Variants in CNST observed in about 807,000 individuals in gnomAD.
The protein encoded by CNST is consortin.
CNST carries 39 observed loss-of-function variants against 72.4 expected under a neutral mutation model. The ratio of observed to expected loss-of-function variants is 0.54; its 90% CI spans 0.42 to 0.70. CNST has a LOEUF of 0.70. Among genes scored for constraint, CNST ranks in the 30% least tolerant of loss-of-function variants. The pLI is 0.00. For missense variants in CNST, 871 were observed against 868.5 expected (o/e 1.00, Z -0.04); for synonymous variants, 332 against 320.1 (o/e 1.04, Z -0.40).
intron 2 of CNST, 60 bp from the exon 3 acceptor site, chr1:246,621,369 A>T: frequency 1.6e-6 from 2 of 1,288,734 alleles, no homozygotes; most frequent in Middle Eastern, 1.9e-4. Flanking sequence ...TAATTGTTTT[A>T]ATGTGTTACA....
intron 2 of CNST, among the ~76,000 whole-genome samples, chr1:246,612,454 C>A (rs1457420278): frequency 6.6e-6 from 1 of 152,212 alleles, no homozygotes; most frequent in Non-Finnish European, 1.5e-5. Context: ...CCACCTGCCT[C>A]AGCCTCCCAA....
intron 2 of CNST, chr1:246,606,439 G>C (rs1045487922): frequency 1.3e-5 from 2 of 152,006 alleles, no homozygotes; most frequent in African/African-American, 4.8e-5. Context: ...ACAGCAATTG[G>C]ACATGTTAAA....
chr1:246,574,393 G>T (rs1185762049), intron 1 of CNST, among the ~76,000 whole-genome samples: 1 of 152,080 alleles, frequency 6.6e-6, no homozygotes, highest in African/African-American at 2.4e-5. Flanking sequence ...GGAAAACATG[G>T]TTATTCAAAA....
chr1:246,574,699 G>A (rs138361808), intron 1 of CNST, among the ~76,000 whole-genome samples: 78 of 151,992 alleles, frequency 5.1e-4, no homozygotes, highest in African/African-American at 1.7e-3. Flanking sequence ...AGCACAATAC[G>A]TGTATTTTTC....
At chr1:246,615,886 A>G (rs1663657361) in intron 2 of CNST, among the ~76,000 whole-genome samples, 1 of 152,084 alleles carries the variant, frequency 6.6e-6, no homozygotes, top group South Asian at 2.1e-4. Flanking sequence ...TCTCAAAAAA[A>G]AAAAGAAACC....
At position 246,566,594 on chromosome 1, in the gene CNST, A is replaced by G. The variant is rs1045399360; in HGVS notation, c.-121A>G. ...GCTCCGTGACAGCACGTCGGCCGCCATGTCGCCGAGTGGGGCTGGAAACAG... is the reference window on the plus strand; with the variant it reads ...GCTCCGTGACAGCACGTCGGCCGCCGTGTCGCCGAGTGGGGCTGGAAACAG... On this transcript the variant is annotated 5_prime_UTR_variant, in exon 1 of 11. It removes an upstream start codon present in the reference 5' UTR. Coordinates refer to ENST00000366513, the MANE Select transcript of CNST (RefSeq NM_152609.3). 5.0e-6 allele frequency: 2 copies of G among 403,932 alleles called. No individual in the cohort carries two copies. Among genetic ancestry groups the G allele is most frequent in the East Asian group, 3.5e-5 (1 of 28,296 alleles). 25.0% of individuals were successfully genotyped at this position (403,932 alleles called of 1,614,324 possible).
Position 246,591,959 on chromosome 1 carries a change from A to G in CNST, c.379+18A>G, listed in dbSNP as rs1228888811. 1.3e-6 allele frequency: 2 copies of G among 1,570,258 alleles called. No homozygotes were observed. Among genetic ancestry groups the G allele is most frequent in the Non-Finnish European group, 1.7e-6 (2 of 1,154,946 alleles). ...ACCACCAGGTATTGTTTAAAATAGT[A>G]TTTATCCTCTTCTTTAATTAATTAA... On this transcript the variant is annotated intron_variant, in intron 2 of 10. Transcript: ENST00000366513.
chr1:246,581,288 G>C (rs917599351), intron 1 of CNST, among the ~76,000 whole-genome samples: 5 of 151,396 alleles, frequency 3.3e-5, no homozygotes, highest in African/African-American at 9.7e-5. Flanking sequence ...TTTTTGAGAC[G>C]GAGTTTTGCT....
At chr1:246,609,430 A>G (rs1405896764) in intron 2 of CNST, among the ~76,000 whole-genome samples, 2 of 152,184 alleles carry the variant, frequency 1.3e-5, no homozygotes, top group Non-Finnish European at 2.9e-5. Flanking sequence ...ACAAAAAATT[A>G]TATGGGCATG....
intron 4 of CNST, among the ~76,000 whole-genome samples, chr1:246,632,735 A>AT (rs1306903562): frequency 6.6e-6 from 1 of 152,224 alleles, no homozygotes; most frequent in East Asian, 1.9e-4. Context: ...TCACAGGATC[A>AT]TTTACAAAGA....
intron 2 of CNST, among the ~76,000 whole-genome samples, chr1:246,612,904 C>G (rs1404649249): frequency 6.6e-6 from 1 of 152,082 alleles, no homozygotes; most frequent in Non-Finnish European, 1.5e-5. Context: ...ATATATAACA[C>G]TCCAAACTCA....
intron 9 of CNST, among the ~76,000 whole-genome samples, chr1:246,658,709 G>GGCCAGCAAGTCACTGAT (rs373357683): frequency 6.6e-6 from 1 of 152,052 alleles, no homozygotes; most frequent in Non-Finnish European, 1.5e-5. Flanking sequence ...TAGTCACTGA[G>GGCCAGCAAGTCACTGAT]GCCAGCAAGT....
intron 2 of CNST, among the ~76,000 whole-genome samples, chr1:246,619,804 G>T (rs921312282): frequency 2.6e-5 from 4 of 152,266 alleles, no homozygotes; most frequent in African/African-American, 9.6e-5. Flanking sequence ...CAGGGCAGTA[G>T]AAGGCAGGGC....
Position 246,663,355 on chromosome 1 carries a change from AAGAC to A in CNST, c.1973-2343_1973-2340del, listed in dbSNP as rs1290946772. Among the ~76,000 whole-genome samples the A allele has an allele frequency of 1.9e-4, 29 of 151,878 alleles. No individual in the cohort carries two copies. In the East Asian group the frequency reaches 4.1e-3, roughly 21 times the overall value. ...TATGTCTAAAAAAAAAAAAAAAAGA[AAGAC>A]AAGACCGAACTGTCCAAAAAAATAC... On this transcript the variant is annotated intron_variant, in intron 10 of 10. Transcript: ENST00000366513.
At chr1:246,658,574 G>T (rs1478377939) in intron 9 of CNST, among the ~76,000 whole-genome samples, 2 of 152,088 alleles carry the variant, frequency 1.3e-5, no homozygotes, top group African/African-American at 4.8e-5. Context: ...GATATAAAAA[G>T]AACTAATCGA....
intron 2 of CNST, among the ~76,000 whole-genome samples, chr1:246,610,711 G>A (rs1663259173): frequency 6.6e-6 from 1 of 152,030 alleles, no homozygotes; most frequent in South Asian, 2.1e-4. Context: ...ACTTAGCCAG[G>A]TCATCTATAA....
chr1:246,657,419 A>G (rs914413239), intron 9 of CNST, among the ~76,000 whole-genome samples: 2 of 152,186 alleles, frequency 1.3e-5, no homozygotes, highest in Admixed American at 6.5e-5. Flanking sequence ...CCTTCACTTC[A>G]GACACTGGGG....
At chr1:246,608,008 G>C (rs1361411114) in intron 2 of CNST, 1 of 152,140 alleles carries the variant, frequency 6.6e-6, no homozygotes, top group East Asian at 1.9e-4. Context: ...TTGAACCGGG[G>C]AGGTGAACAT....
intron 1 of CNST, among the ~76,000 whole-genome samples, chr1:246,573,899 C>A (rs757873133): frequency 6.6e-6 from 1 of 152,160 alleles, no homozygotes; most frequent in Non-Finnish European, 1.5e-5. Context: ...GATTATTCTG[C>A]CTTCCCTCAC....
Sources: allele counts gnomAD v4.1 joint callset (sites outside exome capture counted in the v4.1 genomes callset), GRCh38; gene constraint gnomAD v4.1.1; transcripts MANE v1.5; gene names NCBI Gene and HGNC (gene_info 2026-07-23, HGNC 2026-07-21).